Variants in TSPAN9 observed in about 807,000 individuals in gnomAD.
TSPAN9 encodes tetraspanin-9.
Under a neutral mutation model 31.0 loss-of-function variants are expected in TSPAN9, and 16 were observed. The observed-to-expected ratio is 0.52, with a 90% CI of 0.35 to 0.78. TSPAN9 has a LOEUF of 0.78. Ranked by LOEUF, TSPAN9 falls within the 30% of genes least tolerant of loss-of-function variation. The pLI is 0.01. For missense variants in TSPAN9, 272 were observed against 312.5 expected (o/e 0.87, Z 0.98); for synonymous variants, 145 against 121.6 (o/e 1.19, Z -1.27).
chr12:3,083,081 C>G (rs1331430764), intron 1 of TSPAN9, among the ~76,000 whole-genome samples: 1 of 152,206 alleles, frequency 6.6e-6, no homozygotes, highest in African/African-American at 2.4e-5. Flanking sequence ...AGTTAACTGC[C>G]CTTTCAGTTT....
At chr12:3,273,721 C>T (rs1223302520) in intron 3 of TSPAN9, among the ~76,000 whole-genome samples, 1 of 152,176 alleles carries the variant, frequency 6.6e-6, no homozygotes, top group Non-Finnish European at 1.5e-5. Flanking sequence ...CTGCTCCTGC[C>T]GCACCCTCTC....
At chr12:3,112,411 G>A (rs574520789) in intron 2 of TSPAN9, among the ~76,000 whole-genome samples, 5 of 151,736 alleles carry the variant, frequency 3.3e-5, no homozygotes, top group African/African-American at 1.2e-4. Context: ...CCCAACCTCA[G>A]GTGATCCTCC....
chr12:3,275,849 A>G (rs762872746), intron 3 of TSPAN9, among the ~76,000 whole-genome samples: 58 of 152,214 alleles, frequency 3.8e-4, no homozygotes, highest in Non-Finnish European at 6.5e-4. Context: ...AGCTCCTTGC[A>G]CTGTCTCTTG....
chr12:3,223,458 C>T (rs1299246188), intron 3 of TSPAN9, among the ~76,000 whole-genome samples: 3 of 152,210 alleles, frequency 2.0e-5, no homozygotes, highest in Non-Finnish European at 4.4e-5. Flanking sequence ...TGTTCCAACC[C>T]TCCCTGGCTT....
intron 2 of TSPAN9, among the ~76,000 whole-genome samples, chr12:3,142,941 G>A (rs1440849866): frequency 2.0e-5 from 3 of 152,252 alleles, no homozygotes; most frequent in African/African-American, 2.4e-5. Context: ...TCCGTCCTGC[G>A]ACAGTTCCTT....
intron 2 of TSPAN9, among the ~76,000 whole-genome samples, chr12:3,159,406 A>G (rs1229224500): frequency 6.6e-6 from 1 of 152,208 alleles, no homozygotes; most frequent in African/African-American, 2.4e-5. Context: ...TTTGTACACC[A>G]TCACACTCTC....
At chr12:3,169,404 C>A (rs988532312) in intron 2 of TSPAN9, among the ~76,000 whole-genome samples, 1 of 152,168 alleles carries the variant, frequency 6.6e-6, no homozygotes, top group Admixed American at 6.5e-5. Flanking sequence ...ATTTCTAATT[C>A]TGGTTTGGAT....
rs922042073 is a variant in TSPAN9 at position 3,280,985 on chromosome 12, G to A, written c.433-213G>A. On this transcript the variant is annotated intron_variant, in intron 6 of 8. Coordinates refer to ENST00000011898, the MANE Select transcript of TSPAN9 (RefSeq NM_006675.5). The surrounding 1 kb of genome is among the most constrained non-coding windows in gnomAD (Gnocchi z 4.5). ...GGGGTGGGCTGCATTGCCCTCTCCC[G>A]CTCTGGTCTCCAGGAAGGAGTGCTC... 6.6e-6 allele frequency among the ~76,000 whole-genome samples: 1 copy of A among 152,176 alleles called. No homozygotes were observed. Among genetic ancestry groups the A allele is most frequent in the Non-Finnish European group, 1.5e-5 (1 of 68,026 alleles).
intron 2 of TSPAN9, among the ~76,000 whole-genome samples, chr12:3,156,656 C>T (rs149574916): frequency 1.1e-3 from 161 of 152,074 alleles, no homozygotes; most frequent in Middle Eastern, 3.4e-3. Flanking sequence ...TACAGGCATG[C>T]GCCACCACAA....
chr12:3,097,399 C>G (rs1477829723), intron 2 of TSPAN9, among the ~76,000 whole-genome samples: 1 of 152,216 alleles, frequency 6.6e-6, no homozygotes, highest in African/African-American at 2.4e-5. Context: ...GCATTCCCAG[C>G]CACTGGCTTC....
intron 3 of TSPAN9, among the ~76,000 whole-genome samples, chr12:3,249,968 G>C (rs1862217514): frequency 6.6e-6 from 1 of 152,164 alleles, no homozygotes; most frequent in South Asian, 2.1e-4. Context: ...AAAATTAAAG[G>C]ATTTTATTTC....
In TSPAN9 at chr12:3,208,771, C is replaced by G. The variant is rs933066635; in HGVS notation, c.63+7515C>G. Among the ~76,000 whole-genome samples, 6 of 152,378 alleles carry G rather than the reference C, an allele frequency of 3.9e-5. 1 individual carries two copies. Among genetic ancestry groups the G allele is most frequent in the African/African-American group, 9.6e-5 (4 of 41,594 alleles). ...CCTAGCTTATGAAATAGAGGACTTT[C>G]TATGCCCATGAGCCTCTGTGACCCC... On this transcript the variant is annotated intron_variant, in intron 3 of 8. Coordinates refer to ENST00000011898, the MANE Select transcript of TSPAN9 (RefSeq NM_006675.5).
chr12:3,132,308 T>C (rs2098330160), intron 2 of TSPAN9, among the ~76,000 whole-genome samples: 1 of 152,186 alleles, frequency 6.6e-6, no homozygotes, highest in Admixed American at 6.5e-5. Context: ...CTGGATCATA[T>C]GGTAATTCTA....
intron 2 of TSPAN9, among the ~76,000 whole-genome samples, chr12:3,144,764 G>T (rs2098336404): frequency 6.6e-6 from 1 of 152,234 alleles, no homozygotes; most frequent in South Asian, 2.1e-4. Context: ...GGTAGCCCTG[G>T]GCTGCGCCCT....
chr12:3,218,487 G>A (rs2098382554), intron 3 of TSPAN9, among the ~76,000 whole-genome samples: 1 of 152,262 alleles, frequency 6.6e-6, no homozygotes, highest in Non-Finnish European at 1.5e-5. Context: ...GGCTATGATG[G>A]CCAGGACTTC....
At chr12:3,186,283 A>T (rs1482234805) in intron 2 of TSPAN9, among the ~76,000 whole-genome samples, 5 of 152,240 alleles carry the variant, frequency 3.3e-5, no homozygotes, top group African/African-American at 1.2e-4. Flanking sequence ...AGCTTTGGGA[A>T]TACAGCAGTA....
At chr12:3,240,944 C>T (rs2098396277) in intron 3 of TSPAN9, among the ~76,000 whole-genome samples, 1 of 152,152 alleles carries the variant, frequency 6.6e-6, no homozygotes, top group South Asian at 2.1e-4. Flanking sequence ...CAATAGTATG[C>T]TATTTTCTTG....
chr12:3,222,672 C>T (rs2098385161), intron 3 of TSPAN9, among the ~76,000 whole-genome samples: 1 of 152,156 alleles, frequency 6.6e-6, no homozygotes, highest in African/African-American at 2.4e-5. Flanking sequence ...ACATTCCTGC[C>T]AAGAGCATAC....
rs530757991 is a variant in TSPAN9, at chr12:3,255,976, G to C, written c.64-22445G>C. 7.2e-5 allele frequency among the ~76,000 whole-genome samples: 11 copies of C among 152,266 alleles called. 2 individuals carry two copies. In the South Asian group the frequency reaches 2.3e-3, roughly 32 times the overall value. ...TTGAGTTGAAAGCAACCCTTCTCTT[G>C]CCTGCTATGTCTTTCAGGCAGGGCT... is the stretch of plus-strand genomic sequence containing the variant. On this transcript the variant is annotated intron_variant, in intron 3 of 8. Coordinates refer to ENST00000011898, the MANE Select transcript of TSPAN9 (RefSeq NM_006675.5).
Sources: allele counts gnomAD v4.1 joint callset (sites outside exome capture counted in the v4.1 genomes callset), GRCh38; gene constraint gnomAD v4.1.1; non-coding constraint Gnocchi (gnomAD v3.1); transcripts MANE v1.5; gene names NCBI Gene and HGNC (gene_info 2026-07-23, HGNC 2026-07-21).